The following ZNF200 variants were observed in gnomAD, a reference collection of about 807,000 sequenced individuals.
ZNF200 encodes zinc finger protein 200.
A neutral mutation model predicts 33.6 loss-of-function variants in ZNF200; 35 were observed. The observed-to-expected ratio is 1.04, with a 90% CI of 0.80 to 1.38. ZNF200 has a LOEUF of 1.38. ZNF200 is among the 40% of genes most tolerant of loss of function. The pLI is 0.00. For missense variants in ZNF200, 592 were observed against 470.6 expected (o/e 1.26, Z -2.39); for synonymous variants, 209 against 167.7 (o/e 1.25, Z -1.90).
In ZNF200 at chr16:3,232,314, T is replaced by C. The variant is rs915302669; in HGVS notation, c.466+107A>G. On this transcript the variant is annotated intron_variant, in intron 4 of 4. Coordinates refer to ENST00000414144, the MANE Select transcript of ZNF200 (RefSeq NM_198088.3). Reference sequence around the variant, plus strand: ...ACAAAAGTAAAATAAAATGTGTGTGTGCACATAGGCTTACCAGGTGTGAAT... The same window carrying C: ...ACAAAAGTAAAATAAAATGTGTGTGCGCACATAGGCTTACCAGGTGTGAAT... 7.2e-6 allele frequency: 9 copies of C among 1,251,330 alleles called. No homozygotes were observed. The African/African-American group carries it at 9.1e-5, about 13-fold the overall frequency. 77.5% of individuals were successfully genotyped at this position (1,251,330 alleles called of 1,614,324 possible). A position where few individuals can be genotyped will look rare whatever the true frequency, so the allele number is the denominator to read the frequency against.
chr16:3,230,647 C>G (rs1958610613), intron 4 of ZNF200, among the ~76,000 whole-genome samples: 1 of 152,208 alleles, frequency 6.6e-6, no homozygotes, highest in African/African-American at 2.4e-5. Context: ...ATTCCTGCCA[C>G]CACAATGTTC....
rs201398970 is a variant in ZNF200, at chr16:3,224,661, C to T, written c.467-48G>A. Reference sequence around the variant, plus strand: ...CAACTTCTGAGAGATATCACAACACCAGGCAGGAAAAAACAAGTCAGGTTT... The same window carrying T: ...CAACTTCTGAGAGATATCACAACACTAGGCAGGAAAAAACAAGTCAGGTTT... On this transcript the variant is annotated intron_variant, in intron 4 of 4. Coordinates refer to ENST00000414144, the MANE Select transcript of ZNF200 (RefSeq NM_198088.3). 1.3e-6 allele frequency: 2 copies of T among 1,521,302 alleles called. No homozygotes were observed. The highest frequency in any genetic ancestry group is 1.8e-6 in the Non-Finnish European group (2 of 1,141,592). 94.2% of individuals were successfully genotyped at this position (1,521,302 alleles called of 1,614,324 possible).
intron 2 of ZNF200, among the ~76,000 whole-genome samples, chr16:3,233,272 A>G (rs942359689): frequency 1.3e-5 from 2 of 152,242 alleles, no homozygotes; most frequent in South Asian, 2.1e-4. Context: ...TCCTTAAAAG[A>G]TATTTCCCTC....
chr16:3,229,368 G>A (rs1373356274), intron 4 of ZNF200, among the ~76,000 whole-genome samples: 2 of 151,472 alleles, frequency 1.3e-5, no homozygotes, highest in Non-Finnish European at 2.9e-5. Context: ...AAAAACAATA[G>A]GATAAATTTA....
intron 4 of ZNF200, among the ~76,000 whole-genome samples, chr16:3,229,065 T>C (rs934438019): frequency 3.3e-5 from 5 of 152,130 alleles, no homozygotes; most frequent in Non-Finnish European, 5.9e-5. Flanking sequence ...CAACTATTTA[T>C]GTAGCATTTA....
chr16:3,232,915 G>A lies in ZNF200; in HGVS notation c.257C>T (p.Pro86Leu), dbSNP rs1288006946. ...VSSSLQNRVH[P>L]RPLVKLLPKG... The stretch of plus-strand genomic sequence containing the variant: ...GGGCAGAAGCTTCACCAAGGGACGA[G>A]GATGCACTGGGGAAAGAGGAAGGTT... Residue 86 changes from proline (P) to leucine (L), a missense_variant, in exon 3 of 5, where the codon CCT becomes CTT. Transcript: ENST00000414144. 6.2e-7 allele frequency: 1 copy of A among 1,613,722 alleles called. No homozygotes were observed.
chr16:3,229,820 C>T (rs977027934), intron 4 of ZNF200, among the ~76,000 whole-genome samples: 2 of 151,866 alleles, frequency 1.3e-5, no homozygotes, highest in Admixed American at 1.3e-4. Flanking sequence ...AAGCCAAGAT[C>T]GCACCACTGC....
chr16:3,233,627 G>C lies in ZNF200; in HGVS notation c.129C>G (p.His43Gln). 1 of 1,613,942 alleles carries C rather than the reference G, an allele frequency of 6.2e-7. No individual in the cohort carries two copies. Among genetic ancestry groups the C allele is most frequent in the South Asian group, 1.1e-5 (1 of 91,078 alleles). The change falls in exon 2 of 5, where the codon CAC becomes CAG. Residue 43 changes from histidine (H) to glutamine (Q), a missense_variant. Transcript: ENST00000414144. ...TGAGGAAGTGCTCCAGCACTAGCTG[G>C]TGGATGGTCTTGGGCCCGTTAGTGG... ...RDATNGPKTI[H>Q]QLVLEHFLTF...
rs1441190747 is a variant in ZNF200 at position 3,233,781 on chromosome 16, T to C, written c.-26A>G. ...GCCTTGCAACCACACACCACACTCG[T>C]TTCGCGGGGCCTCCAGAGCCACCTC... On this transcript the variant is annotated 5_prime_UTR_variant, in exon 2 of 5. Transcript: ENST00000414144. 1 of 1,583,010 alleles carries C rather than the reference T, an allele frequency of 6.3e-7. No homozygotes were observed. Among genetic ancestry groups the C allele is most frequent in the Non-Finnish European group, 8.6e-7 (1 of 1,163,156 alleles).
In ZNF200 at chr16:3,232,548, C is replaced by G; in HGVS notation, c.340-1G>C. The G allele has an allele frequency of 6.2e-7, 1 of 1,613,480 alleles. No individual in the cohort carries two copies. Among genetic ancestry groups the G allele is most frequent in the Non-Finnish European group, 8.5e-7 (1 of 1,179,946 alleles). Reference sequence around the variant, plus strand: ...TCAAATCCTCAAAGACCACCAGCTCCTGAAAGAGCAAGAGGCCCCTTTCAT... The same window carrying G: ...TCAAATCCTCAAAGACCACCAGCTCGTGAAAGAGCAAGAGGCCCCTTTCAT... On this transcript the variant is annotated splice_acceptor_variant, in intron 3 of 4. Coordinates refer to ENST00000414144, the MANE Select transcript of ZNF200 (RefSeq NM_198088.3). LOFTEE classifies it high-confidence loss of function.
chr16:3,233,789 G>C lies in ZNF200; in HGVS notation c.-34C>G, dbSNP rs776728013. On this transcript the variant is annotated 5_prime_UTR_variant, in exon 2 of 5. Coordinates refer to ENST00000414144, the MANE Select transcript of ZNF200 (RefSeq NM_198088.3). The stretch of plus-strand genomic sequence containing the variant: ...ACCACACACCACACTCGTTTCGCGG[G>C]GCCTCCAGAGCCACCTCTTACTAGA... 2 of 1,574,136 alleles carry C rather than the reference G, an allele frequency of 1.3e-6. No homozygotes were observed. The highest frequency in any genetic ancestry group is 1.7e-6 in the Non-Finnish European group (2 of 1,159,050).
chr16:3,233,765 C>T lies in ZNF200; in HGVS notation c.-10G>A, dbSNP rs1293037968. ...CTTTTGCAGCCATCATGCCTTGCAA[C>T]CACACACCACACTCGTTTCGCGGGG... is the stretch of plus-strand genomic sequence containing the variant. On this transcript the variant is annotated 5_prime_UTR_variant, in exon 2 of 5. Transcript: ENST00000414144. The T allele has an allele frequency of 6.2e-7, 1 of 1,603,070 alleles. No homozygotes were observed. Among genetic ancestry groups the T allele is most frequent in the South Asian group, 1.1e-5 (1 of 89,778 alleles).
chr16:3,233,458 C>G, intron 2 of ZNF200, 48 bp downstream of exon 2: 2 of 1,500,444 alleles, frequency 1.3e-6, no homozygotes, highest in Non-Finnish European at 1.8e-6. Context: ...ATCTTAGACT[C>G]CAGTACCTCC....
intron 4 of ZNF200, among the ~76,000 whole-genome samples, chr16:3,228,504 A>AT (rs1280166849): frequency 4.0e-5 from 6 of 150,766 alleles, no homozygotes; most frequent in African/African-American, 7.3e-5. Context: ...TTTTTTAATT[A>AT]TTTTTTTTGA....
In ZNF200 at chr16:3,224,074, A is replaced by T; in HGVS notation, c.1006T>A (p.Phe336Ile). The T allele has an allele frequency of 6.2e-7, 1 of 1,614,128 alleles. No homozygotes were observed. The highest frequency in any genetic ancestry group is 8.5e-7 in the Non-Finnish European group (1 of 1,180,028). Reference protein sequence around the residue: ...HEGIHIREKIFKCPECGKTFP... With the variant: ...HEGIHIREKIIKCPECGKTFP... ...GTTTTCCCACATTCTGGACACTTAA[A>T]TATCTTCTCCCTTATATGGATTCCT... Residue 336 changes from phenylalanine (F) to isoleucine (I), a missense_variant, in exon 5 of 5, where the codon TTT (phenylalanine) becomes ATT (isoleucine). Coordinates refer to ENST00000414144, the MANE Select transcript of ZNF200 (RefSeq NM_198088.3).
intron 4 of ZNF200, 183 bp from the exon 5 acceptor site, chr16:3,224,796 T>C (rs1243168173): frequency 3.1e-5 from 21 of 667,616 alleles, no homozygotes; most frequent in Non-Finnish European, 4.6e-5. Flanking sequence ...AATCTTTCCA[T>C]CTACCACAAT....
rs1958419082 is a variant in ZNF200, at chr16:3,224,522, TTCA to T, written c.555_557del (p.Asp185del). 2 of 1,614,074 alleles carry T rather than the reference TTCA, an allele frequency of 1.2e-6. No homozygotes were observed. The highest frequency in any genetic ancestry group is 1.1e-5 in the South Asian group (1 of 91,092). ...GCTGAGAGACCAAGGAAGAATCCAT[TTCA>T]TCATCATCTGAAGACTTTTCTCTAT... On this transcript the variant is annotated inframe_deletion, in exon 5 of 5. Coordinates refer to ENST00000414144, the MANE Select transcript of ZNF200 (RefSeq NM_198088.3).
chr16:3,224,023 G>A lies in ZNF200; in HGVS notation c.1057C>T (p.Leu353Phe). 1 of 1,614,150 alleles carries A rather than the reference G, an allele frequency of 6.2e-7. No homozygotes were observed. The highest frequency in any genetic ancestry group is 8.5e-7 in the Non-Finnish European group (1 of 1,180,036). ...TCAGCCTCATGACTCTGCAGATGAA[G>A]CACAAACTCCTCATTCTTTGGGAAG... ...KTFPKNEEFV[L>F]HLQSHEAERP... is the part of the protein sequence containing the mutation. The change falls in exon 5 of 5, where the codon CTT (leucine) becomes TTT (phenylalanine). Residue 353 changes from leucine to phenylalanine, a missense_variant. By Grantham distance (22) the Leu-to-Phe change is conservative. Coordinates refer to ENST00000414144, the MANE Select transcript of ZNF200 (RefSeq NM_198088.3).
intron 4 of ZNF200, 151 bp downstream of exon 4, chr16:3,232,270 C>T: frequency 2.1e-6 from 2 of 944,422 alleles, no homozygotes; most frequent in Non-Finnish European, 3.1e-6. Context: ...TGTGGCAAGG[C>T]TCTGCTACAT....
Sources: allele counts gnomAD v4.1 joint callset (sites outside exome capture counted in the v4.1 genomes callset), GRCh38; gene constraint gnomAD v4.1.1; transcripts MANE v1.5; gene names NCBI Gene and HGNC (gene_info 2026-07-23, HGNC 2026-07-21).